The following NRG1 variants were observed in gnomAD, a reference collection of about 807,000 sequenced individuals.
NRG1 encodes the protein neuregulin 1.
NRG1 carries 18 observed loss-of-function variants against 63.8 expected under a neutral mutation model. The observed-to-expected ratio is 0.28, with a 90% CI of 0.19 to 0.42. The LOEUF (loss-of-function observed/expected upper bound fraction) is 0.42. Among genes scored for constraint, NRG1 ranks in the 10% least tolerant of loss-of-function variants. NRG1 has a pLI of 1.00. For missense variants in NRG1, 762 were observed against 814.7 expected, an observed-to-expected ratio of 0.94 and a Z score of 0.79; for synonymous variants, 302 against 301.3, an observed-to-expected ratio of 1.00 and a Z score of -0.02.
chr8:31,857,115 C>T (rs530971373), intron 1 of NRG1, among the ~76,000 whole-genome samples: 97 of 152,326 alleles, frequency 6.4e-4, no homozygotes, highest in African/African-American at 2.1e-3. Context: ...GGCAGGCAGG[C>T]CTCCTTGAGC....
chr8:32,066,310 A>G (rs1254305984), intron 1 of NRG1, among the ~76,000 whole-genome samples: 1 of 152,158 alleles, frequency 6.6e-6, no homozygotes, highest in Non-Finnish European at 1.5e-5. Context: ...TAGGGTTTTA[A>G]TGGTTTTAGG....
chr8:31,908,878 C>T (rs528450371), intron 1 of NRG1, among the ~76,000 whole-genome samples: 1 of 152,230 alleles, frequency 6.6e-6, no homozygotes, highest in African/African-American at 2.4e-5. Context: ...CTGAGTCCTT[C>T]CTTCAAGTTC....
chr8:32,109,155 C>T (rs1022727943), intron 1 of NRG1, among the ~76,000 whole-genome samples: 2 of 152,192 alleles, frequency 1.3e-5, no homozygotes, highest in Non-Finnish European at 2.9e-5. Context: ...CTTATGATCT[C>T]TCTACTAAGT....
chr8:31,835,918 G>A (rs549831635), intron 1 of NRG1, among the ~76,000 whole-genome samples: 4 of 152,134 alleles, frequency 2.6e-5, no homozygotes, highest in Admixed American at 6.5e-5. Context: ...TTAGTTGAGC[G>A]AGCACTTGAG....
intron 1 of NRG1, among the ~76,000 whole-genome samples, chr8:31,755,905 A>T (rs1440169289): frequency 6.6e-6 from 1 of 152,118 alleles, no homozygotes; most frequent in African/African-American, 2.4e-5. Flanking sequence ...TTCCCATAGG[A>T]TCAAGCTTGT....
intron 1 of NRG1, among the ~76,000 whole-genome samples, chr8:31,814,978 G>A (rs1823291815): frequency 6.6e-6 from 1 of 151,940 alleles, no homozygotes; most frequent in Admixed American, 6.6e-5. Context: ...CATCTGCTAG[G>A]AGGATCCACA....
chr8:32,458,010 G>A (rs540802735), intron 1 of NRG1, among the ~76,000 whole-genome samples: 227 of 151,870 alleles, frequency 1.5e-3, no homozygotes, highest in Admixed American at 2.6e-3. Context: ...CTCTGCATCC[G>A]GAATTCAAGC....
chr8:32,251,650 T>C (rs1849120912), intron 1 of NRG1, among the ~76,000 whole-genome samples: 1 of 152,180 alleles, frequency 6.6e-6, no homozygotes, highest in African/African-American at 2.4e-5. Flanking sequence ...TCCACAATGG[T>C]TGAACTAATT....
chr8:32,100,664 C>G (rs963070967), intron 1 of NRG1, among the ~76,000 whole-genome samples: 1 of 151,832 alleles, frequency 6.6e-6, no homozygotes, highest in Non-Finnish European at 1.5e-5. Context: ...AGCAAATTTG[C>G]GTCCTTTTTT....
intron 1 of NRG1, among the ~76,000 whole-genome samples, chr8:32,535,292 A>C (rs13250975): frequency 6.6e-6 from 1 of 152,234 alleles, no homozygotes; most frequent in South Asian, 2.1e-4. Flanking sequence ...CCTTAGGAAC[A>C]TGTACATATT....
intron 1 of NRG1, among the ~76,000 whole-genome samples, chr8:31,739,330 C>A (rs73239870): frequency 0.21 from 31,363 of 151,986 alleles, 3,689 homozygotes; most frequent in Non-Finnish European, 0.26. Flanking sequence ...AATACTAATT[C>A]TAAAAGGCTA....
chr8:31,775,834 G>A (rs1314892509), intron 1 of NRG1, among the ~76,000 whole-genome samples: 1 of 123,352 alleles, frequency 8.1e-6, no homozygotes, highest in Non-Finnish European at 1.6e-5. Context: ...AGTGAGCCGA[G>A]ATCATGCCAC....
In NRG1 at chr8:31,640,624, A is replaced by G. The variant is rs776270253; in HGVS notation, c.37+1193A>G. 3.1e-6 allele frequency: 5 copies of G among 1,610,838 alleles called. No individual in the cohort carries two copies. The highest frequency in any genetic ancestry group is 4.2e-6 in the Non-Finnish European group (5 of 1,179,196). On this transcript the variant is annotated intron_variant, in intron 1 of 10. Coordinates refer to the NRG1 transcript ENST00000519301. This position sits in a 1 kb window ranked among gnomAD's most constrained non-coding sequence, Gnocchi z 6.3. ...CATCTTCTTCATGGAGCCCGACGCC[A>G]ACAGCACCAGCCGCGCGCCGGCCGC...
chr8:32,416,878 G>GA (rs1815994123), intron 1 of NRG1, among the ~76,000 whole-genome samples: 1 of 152,066 alleles, frequency 6.6e-6, no homozygotes. Flanking sequence ...TAGAGACAGG[G>GA]TTTTTCCATG....
intron 1 of NRG1, among the ~76,000 whole-genome samples, chr8:32,019,102 G>A (rs1816030896): frequency 6.6e-6 from 1 of 152,054 alleles, no homozygotes; most frequent in Non-Finnish European, 1.5e-5. Context: ...ATTTGGAGGA[G>A]TTCTGTTTTT....
chr8:32,143,562 A>G (rs565300064), intron 1 of NRG1, among the ~76,000 whole-genome samples: 22 of 152,316 alleles, frequency 1.4e-4, no homozygotes, highest in Non-Finnish European at 3.1e-4. Context: ...TTACAGTGAC[A>G]TAAACTATGT....
At chr8:31,924,735 AT>A (rs1319097283) in intron 1 of NRG1, among the ~76,000 whole-genome samples, 1 of 150,560 alleles carries the variant, frequency 6.6e-6, no homozygotes, top group Non-Finnish European at 1.5e-5. Context: ...TAATATATGC[AT>A]GTTAGGCCGT....
chr8:32,438,555 G>T (rs536483741), intron 1 of NRG1, among the ~76,000 whole-genome samples: 57 of 152,212 alleles, frequency 3.7e-4, no homozygotes, highest in East Asian at 1.9e-4. Flanking sequence ...CTAGGAATGA[G>T]TGTGATTTCT....
At position 32,226,683 on chromosome 8, in the gene NRG1, T is replaced by C. The variant is rs1341792142; in HGVS notation, c.38-369145T>C. 2.6e-5 allele frequency among the ~76,000 whole-genome samples: 4 copies of C among 152,178 alleles called. No homozygotes were observed. In the East Asian group the frequency reaches 7.7e-4, roughly 29 times the overall value. ...GGCCCATGGCTCTTTTCCTGGGGCATAGCATTTGATTATAAAGCTTTTCTG... is the reference window on the plus strand; with the variant it reads ...GGCCCATGGCTCTTTTCCTGGGGCACAGCATTTGATTATAAAGCTTTTCTG... On this transcript the variant is annotated intron_variant, in intron 1 of 10. Transcript: ENST00000519301.
Sources: allele counts gnomAD v4.1 joint callset (sites outside exome capture counted in the v4.1 genomes callset), GRCh38; gene constraint gnomAD v4.1.1; non-coding constraint Gnocchi (gnomAD v3.1); transcripts MANE v1.5; gene names NCBI Gene and HGNC (gene_info 2026-07-23, HGNC 2026-07-21).